Variants in SUMF2 observed in about 807,000 individuals in gnomAD.
SUMF2 encodes sulfatase modifying factor 2, also known as inactive C-alpha-formylglycine-generating enzyme 2.
Under a neutral mutation model 44.8 loss-of-function variants are expected in SUMF2, and 45 were observed. That is an observed-to-expected ratio of 1.00 (90% CI 0.79 to 1.29). The LOEUF is 1.29. Ranked by LOEUF, SUMF2 falls within the 50% of genes most tolerant of loss-of-function variation. SUMF2 has a pLI of 0.00. For synonymous variants in SUMF2, 148 were observed against 150.4 expected (o/e 0.98, Z 0.12); for missense variants, 418 against 389.9 (o/e 1.07, Z -0.61).
At chr7:56,074,376 C>G (rs1584591113) in intron 4 of SUMF2, 158 bp downstream of exon 4, 6 of 1,003,264 alleles carry the variant, frequency 6.0e-6, no homozygotes, top group Non-Finnish European at 7.4e-6. Flanking sequence ...TTTCACCTGC[C>G]CGAATCCTGT....
intron 2 of SUMF2, among the ~76,000 whole-genome samples, chr7:56,071,785 AAAAT>A (rs71015179): frequency 2.1e-4 from 30 of 145,246 alleles, no homozygotes; most frequent in Admixed American, 3.5e-4. Context: ...ACTCCGTCTA[AAAAT>A]AAATAAATAA....
At chr7:56,084,107 G>C, downstream of SUMF2, 1 of 1,105,570 alleles carries the variant, frequency 9.0e-7, no homozygotes. Context: ...GAAGTGACCA[G>C]GGAAGCAATG....
At chr7:56,077,041 T>C (rs1164919258) in intron 6 of SUMF2, 152 bp downstream of exon 6, 7 of 543,206 alleles carry the variant, frequency 1.3e-5, no homozygotes, top group Non-Finnish European at 2.1e-5. Flanking sequence ...GGGTCATAAG[T>C]GCTTTCTTTT....
At chr7:56,087,600 A>T in the SUMF2 span, 1 of 1,612,542 alleles carries the variant, frequency 6.2e-7, no homozygotes, top group South Asian at 1.1e-5. Context: ...TCACTCACTG[A>T]TGTTGGGGTG....
At chr7:56,083,495 G>C, downstream of SUMF2, 1 of 1,594,386 alleles carries the variant, frequency 6.3e-7, no homozygotes, top group Non-Finnish European at 8.6e-7. Context: ...CAGGTAACAG[G>C]CAGGGAGACA....
chr7:56,080,974 C>T (rs577351430), downstream of SUMF2: 91 of 1,522,630 alleles, frequency 6.0e-5, no homozygotes, highest in Admixed American at 1.7e-4. Context: ...GAGGCCTGCA[C>T]GCATCTCACC....
downstream of SUMF2, chr7:56,083,094 A>C: frequency 1.8e-6 from 1 of 566,166 alleles, no homozygotes; most frequent in South Asian, 2.2e-5. Context: ...CGACAGAGTG[A>C]GACTCCATCT....
chr7:56,086,669 C>T, the SUMF2 span, among the ~76,000 whole-genome samples: 2 of 151,560 alleles, frequency 1.3e-5, no homozygotes, highest in Admixed American at 6.6e-5. Context: ...TGAGCCACTG[C>T]GCCCGCCTGT....
downstream of SUMF2, chr7:56,081,180 G>T (rs1275930604): frequency 2.5e-6 from 4 of 1,613,838 alleles, no homozygotes; most frequent in Non-Finnish European, 3.4e-6. This position sits in a 1 kb window ranked among gnomAD's most constrained non-coding sequence, Gnocchi z 4.6. Context: ...AGGCGTCGAT[G>T]AGCCGGCGCA....
At chr7:56,084,159 C>T, downstream of SUMF2, 4 of 1,528,762 alleles carry the variant, frequency 2.6e-6, no homozygotes, top group Non-Finnish European at 3.5e-6. Context: ...CTTGCCCTGC[C>T]CTGGGCCCTG....
At chr7:56,083,306 G>T, downstream of SUMF2, 1 of 1,613,984 alleles carries the variant, frequency 6.2e-7, no homozygotes, top group Non-Finnish European at 8.5e-7. Context: ...GCTCCAGCTG[G>T]CAGGAAAAGC....
chr7:56,082,338 A>G, downstream of SUMF2: 1 of 1,052,252 alleles, frequency 9.5e-7, no homozygotes, highest in Non-Finnish European at 1.4e-6. Flanking sequence ...CATTTCTATA[A>G]TCCTAGCACT....
chr7:56,079,556 G>A lies in SUMF2; in HGVS notation c.850G>A (p.Asp284Asn). 6.2e-7 allele frequency: 1 copy of A among 1,613,938 alleles called. No individual in the cohort carries two copies. ...GGGCAACACTCCAGATTCAGCCTCAGACAACCTCGGTTTCCGCTGTGCTGC... is the reference window on the plus strand; with the variant it reads ...GGGCAACACTCCAGATTCAGCCTCAAACAACCTCGGTTTCCGCTGTGCTGC... The part of the protein sequence containing the change: ...RMGNTPDSAS[D>N]NLGFRCAADA... The change falls in exon 9 of 9, where the codon GAC becomes AAC. Residue 284 changes from aspartate (D) to asparagine (N), a missense_variant. Transcript: ENST00000434526.
intron 2 of SUMF2, among the ~76,000 whole-genome samples, chr7:56,069,094 A>T (rs1288589093): frequency 6.6e-6 from 1 of 152,146 alleles, no homozygotes; most frequent in Non-Finnish European, 1.5e-5. Context: ...TGTTATTCAG[A>T]TGAAGAACCT....
downstream of SUMF2, chr7:56,083,036 G>T (rs1796086804): frequency 2.4e-6 from 1 of 425,204 alleles, no homozygotes; most frequent in African/African-American, 2.0e-5. Context: ...AACTCGGGAG[G>T]TGGAAGTTGC....
chr7:56,081,342 G>T (rs754561688), downstream of SUMF2: 5 of 1,563,524 alleles, frequency 3.2e-6, no homozygotes, highest in South Asian at 1.1e-5. The surrounding 1 kb of genome is among the most constrained non-coding windows in gnomAD (Gnocchi z 4.6). Flanking sequence ...CCCCCGCCCT[G>T]CCAGGCCCTG....
chr7:56,068,410 A>T (rs1342896735), intron 1 of SUMF2, 72 bp from the exon 2 acceptor site: 11 of 1,396,126 alleles, frequency 7.9e-6, no homozygotes, highest in Non-Finnish European at 5.8e-6. Context: ...TGAGTATTGC[A>T]TATGATCCAA....
intron 6 of SUMF2, among the ~76,000 whole-genome samples, 171 bp from the exon 7 acceptor site, chr7:56,077,931 G>T (rs1316021853): frequency 6.6e-6 from 1 of 152,096 alleles, no homozygotes; most frequent in Non-Finnish European, 1.5e-5. Context: ...TCACCCTGGG[G>T]ATGTAAGGTG....
At chr7:56,086,200 C>T in the SUMF2 span, among the ~76,000 whole-genome samples, 1 of 151,836 alleles carries the variant, frequency 6.6e-6, no homozygotes, top group African/African-American at 2.4e-5. Flanking sequence ...TATATGTCTA[C>T]AGTCATCCCT....
Sources: gnomAD v4.1 joint callset for allele counts (sites outside exome capture counted in the v4.1 genomes callset) on GRCh38, gnomAD v4.1.1 for gene constraint, Gnocchi (gnomAD v3.1) non-coding constraint, MANE v1.5 for transcripts, NCBI Gene and HGNC (gene_info 2026-07-23, HGNC 2026-07-21) for gene names.